Variants in AIG1 observed in about 807,000 individuals in gnomAD.
The protein encoded by AIG1 is androgen induced 1.
In AIG1, 23 loss-of-function variants were observed where a neutral mutation model predicts 31.4. The observed-to-expected ratio is 0.73, with a 90% CI of 0.53 to 1.04. AIG1 has a LOEUF of 1.04. AIG1 is among the 50% of genes least tolerant of loss of function. The pLI is 0.00. For missense variants in AIG1, 274 were observed against 295.0 expected (o/e 0.93, Z 0.52); for synonymous variants, 100 against 110.5 (o/e 0.90, Z 0.60).
intron 1 of AIG1, among the ~76,000 whole-genome samples, chr6:143,065,987 G>C (rs890800145): frequency 6.6e-6 from 1 of 152,136 alleles, no homozygotes; most frequent in African/African-American, 2.4e-5. Flanking sequence ...ATTCCTCCTA[G>C]ACTGGCTTTT....
chr6:143,155,763 A>G (rs547621103), intron 2 of AIG1, among the ~76,000 whole-genome samples: 2 of 152,314 alleles, frequency 1.3e-5, no homozygotes, highest in African/African-American at 4.8e-5. Context: ...GAAGCCACAC[A>G]TAGTCTGGTG....
At chr6:143,205,064 C>A (rs1791008021) in intron 3 of AIG1, among the ~76,000 whole-genome samples, 1 of 152,210 alleles carries the variant, frequency 6.6e-6, no homozygotes, top group Admixed American at 6.5e-5. Context: ...TTTTGGCTGA[C>A]TTGTTCAATG....
intron 1 of AIG1, among the ~76,000 whole-genome samples, chr6:143,117,386 A>G (rs1482035181): frequency 6.6e-6 from 1 of 152,192 alleles, no homozygotes; most frequent in East Asian, 1.9e-4. Context: ...ATGAGATAGC[A>G]GTAGATGTGG....
intron 3 of AIG1, among the ~76,000 whole-genome samples, chr6:143,165,985 G>C (rs1786898963): frequency 6.6e-6 from 1 of 152,070 alleles, no homozygotes; most frequent in Admixed American, 6.6e-5. Context: ...TATGTCCCAG[G>C]GTGTTCCTGG....
chr6:143,233,106 A>G (rs554226066), intron 3 of AIG1, among the ~76,000 whole-genome samples: 43 of 151,856 alleles, frequency 2.8e-4, no homozygotes, highest in African/African-American at 8.9e-4. Context: ...TCACTTCTGG[A>G]CCCCTGGGAT....
At chr6:143,063,121 T>C (rs3804527) in intron 1 of AIG1, among the ~76,000 whole-genome samples, 30,540 of 152,156 alleles carry the variant, frequency 0.2, 3,921 homozygotes, top group East Asian at 0.46. Flanking sequence ...TCAGAAGAAA[T>C]GATATACCTC....
intron 4 of AIG1, among the ~76,000 whole-genome samples, chr6:143,311,072 G>T (rs950762031): frequency 2.6e-5 from 4 of 151,778 alleles, no homozygotes; most frequent in African/African-American, 2.4e-5. Flanking sequence ...AGAAGCAGAG[G>T]GAATACCTCC....
chr6:143,342,813 G>T, downstream of AIG1: 1 of 800,000 alleles, frequency 1.3e-6, no homozygotes, highest in East Asian at 2.4e-5. Flanking sequence ...CTCTGCAGTG[G>T]ACAGTGATCT....
intron 3 of AIG1, among the ~76,000 whole-genome samples, chr6:143,212,477 G>C (rs1228044469): frequency 2.0e-5 from 3 of 152,250 alleles, no homozygotes; most frequent in African/African-American, 7.2e-5. Context: ...AGATTTGTTT[G>C]GGGTTTTCTA....
intron 1 of AIG1, among the ~76,000 whole-genome samples, chr6:143,087,797 T>C (rs1778941456): frequency 6.6e-6 from 1 of 152,184 alleles, no homozygotes; most frequent in South Asian, 2.1e-4. Context: ...CACCCTCCAA[T>C]ACTTGGAGTA....
chr6:143,121,678 A>G (rs903755292), intron 1 of AIG1, among the ~76,000 whole-genome samples: 1 of 152,230 alleles, frequency 6.6e-6, no homozygotes, highest in Non-Finnish European at 1.5e-5. Context: ...TGTCTTAACC[A>G]TTCATAAACC....
At chr6:143,218,728 G>T (rs1054355919) in intron 3 of AIG1, among the ~76,000 whole-genome samples, 1 of 152,144 alleles carries the variant, frequency 6.6e-6, no homozygotes, top group Non-Finnish European at 1.5e-5. Flanking sequence ...TGGCAAAAAG[G>T]TAAAAATGAA....
intron 3 of AIG1, among the ~76,000 whole-genome samples, chr6:143,235,895 A>T (rs908567102): frequency 3.9e-5 from 6 of 152,166 alleles, no homozygotes; most frequent in African/African-American, 1.4e-4. Context: ...TTCAAAGATA[A>T]AGATGCTTCT....
At chr6:143,109,766 T>TA (rs1216029762) in intron 1 of AIG1, among the ~76,000 whole-genome samples, 4 of 152,108 alleles carry the variant, frequency 2.6e-5, no homozygotes, top group Admixed American at 6.5e-5. Context: ...AGGCAAGTTT[T>TA]AAAAAAAATT....
intron 1 of AIG1, among the ~76,000 whole-genome samples, chr6:143,078,166 A>G (rs1198199582): frequency 1.3e-5 from 2 of 152,060 alleles, no homozygotes; most frequent in African/African-American, 4.8e-5. Context: ...CATCTAGTGG[A>G]TTTTTAAATT....
chr6:143,343,457 G>A (rs1421374276), downstream of AIG1: 2 of 337,380 alleles, frequency 5.9e-6, no homozygotes, highest in African/African-American at 4.3e-5. Context: ...GCCCTAGAGT[G>A]ATCATGGCTA....
At chr6:143,322,483 G>A (rs1776292490) in intron 4 of AIG1, among the ~76,000 whole-genome samples, 1 of 152,174 alleles carries the variant, frequency 6.6e-6, no homozygotes, top group Non-Finnish European at 1.5e-5. Flanking sequence ...AATGTTCGAT[G>A]TCTCTACTTA....
At chr6:143,145,240 G>A (rs184349880) in intron 2 of AIG1, among the ~76,000 whole-genome samples, 1 of 152,106 alleles carries the variant, frequency 6.6e-6, no homozygotes, top group Non-Finnish European at 1.5e-5. Context: ...GCCCAGGCTG[G>A]TCTCAAACTC....
downstream of AIG1, among the ~76,000 whole-genome samples, chr6:143,341,923 A>C (rs1048875439): frequency 6.6e-6 from 1 of 152,116 alleles, no homozygotes; most frequent in African/African-American, 2.4e-5. Flanking sequence ...GAAGGTACTA[A>C]AAAATTTTTT....
Sources: gnomAD v4.1 joint callset for allele counts (sites outside exome capture counted in the v4.1 genomes callset) on GRCh38, gnomAD v4.1.1 for gene constraint, MANE v1.5 for transcripts, NCBI Gene and HGNC (gene_info 2026-07-23, HGNC 2026-07-21) for gene names.